Variants in CFAP57 observed in about 807,000 individuals in gnomAD.
The protein encoded by CFAP57 is cilia and flagella associated protein 57.
Under a neutral mutation model 146.8 loss-of-function variants are expected in CFAP57, and 116 were observed. That is an observed-to-expected ratio of 0.79 (90% CI 0.68 to 0.92). The LOEUF (loss-of-function observed/expected upper bound fraction) is 0.92. Ranked by LOEUF, CFAP57 falls within the 40% of genes least tolerant of loss-of-function variation. The probability of loss-of-function intolerance (pLI) is 0.00; values close to 1 mark genes in which losing one functional copy is unlikely to be tolerated. For missense variants in CFAP57, 1,377 were observed against 1,527.2 expected (o/e 0.90, Z 1.64); for synonymous variants, 518 against 552.8 (o/e 0.94, Z 0.88).
intron 18 of CFAP57, among the ~76,000 whole-genome samples, chr1:43,230,525 G>T (rs1174391234): frequency 6.6e-6 from 1 of 152,074 alleles, no homozygotes; most frequent in Admixed American, 6.6e-5. Context: ...AGCTCAGCCA[G>T]CCTCTTCTCC....
intron 22 of CFAP57, among the ~76,000 whole-genome samples, chr1:43,248,782 C>T (rs1339358884): frequency 1.3e-5 from 2 of 151,978 alleles, no homozygotes; most frequent in Non-Finnish European, 2.9e-5. Flanking sequence ...TTTAGTGAAA[C>T]CCTAAAAAGC....
intron 22 of CFAP57, among the ~76,000 whole-genome samples, chr1:43,252,368 A>G (rs971902354): frequency 2.6e-5 from 4 of 152,278 alleles, no homozygotes; most frequent in Admixed American, 1.3e-4. Flanking sequence ...CCCTACTCAG[A>G]CAAGTTTTAG....
At chr1:43,197,490 G>T (rs1055109091) in intron 6 of CFAP57, 63 bp from the exon 7 acceptor site, 1 of 1,611,076 alleles carries the variant, frequency 6.2e-7, no homozygotes, top group South Asian at 1.1e-5. Context: ...ACTAATTAGA[G>T]CTGACATGTA....
intron 22 of CFAP57, among the ~76,000 whole-genome samples, chr1:43,253,537 A>G (rs1646371978): frequency 6.6e-6 from 1 of 152,184 alleles, no homozygotes; most frequent in Non-Finnish European, 1.5e-5. Flanking sequence ...TCAAGGAACA[A>G]GGTATGAGTG....
chr1:43,219,327 A>C (rs1644956086), intron 12 of CFAP57, 55 bp from the exon 13 acceptor site: 1 of 1,508,738 alleles, frequency 6.6e-7, no homozygotes. Flanking sequence ...AGGTTTAAAT[A>C]TTCTGAGTCA....
At chr1:43,222,324 C>T (rs1029586427) in intron 15 of CFAP57, 29 bp downstream of exon 15, 8 of 1,391,034 alleles carry the variant, frequency 5.8e-6, no homozygotes, top group Non-Finnish European at 6.6e-6. Context: ...GCTGTGCCTC[C>T]CTTTCACAGA....
intron 2 of CFAP57, among the ~76,000 whole-genome samples, chr1:43,175,345 T>TAC (rs1428521812): frequency 2.0e-5 from 3 of 151,894 alleles, no homozygotes; most frequent in Non-Finnish European, 4.4e-5. Context: ...TACATATAGA[T>TAC]ACAGACACAC....
At position 43,232,617 on chromosome 1, in the gene CFAP57, G is replaced by A; in HGVS notation, c.3119G>A (p.Arg1040Lys). 1.9e-6 allele frequency: 3 copies of A among 1,538,608 alleles called. No homozygotes were observed. Among genetic ancestry groups the A allele is most frequent in the Non-Finnish European group, 2.6e-6 (3 of 1,137,986 alleles). ...RATDQEMRRE[R>K]QKERDLEALV... ...ACCGATCAGGAGATGCGCAGAGAGA[G>A]ACAGAAGGTGTGAGGGTTTCAGAGT... Residue 1040 changes from arginine (R) to lysine (K), a missense_variant, in exon 19 of 23, where the codon AGA (arginine) becomes AAA (lysine). By Grantham distance (26) the Arg-to-Lys change is conservative. Transcript: ENST00000372492.
At chr1:43,206,688 C>T (rs1644371160) in intron 9 of CFAP57, 32 bp from the exon 10 acceptor site, 1 of 1,611,918 alleles carries the variant, frequency 6.2e-7, no homozygotes, top group Non-Finnish European at 8.5e-7. Context: ...TGTGTGTACA[C>T]TCTTCACTGG....
chr1:43,242,010 GC>G (rs1645943899), intron 21 of CFAP57, among the ~76,000 whole-genome samples: 1 of 152,076 alleles, frequency 6.6e-6, no homozygotes. Context: ...GCACCACCTG[GC>G]CCCCAGCAAG....
At chr1:43,216,964 G>A (rs2124534728) in intron 12 of CFAP57, among the ~76,000 whole-genome samples, 1 of 152,348 alleles carries the variant, frequency 6.6e-6, no homozygotes, top group Middle Eastern at 3.4e-3. Context: ...AACGTGCAGT[G>A]GAATGAAGTG....
At position 43,229,069 on chromosome 1, in the gene CFAP57, C is replaced by T. The variant is rs78680583; in HGVS notation, c.3009+1943C>T. Among the ~76,000 whole-genome samples the T allele has an allele frequency of 1.1e-4, 16 of 149,108 alleles. 3 individuals are homozygous for T. In the East Asian group the frequency reaches 2.1e-3, roughly 19 times the overall value. ...TGGAATTTGGGGTGGAGGGCACCAACGTTCATCAGACCATAGCAGCCTGAG... is the reference window on the plus strand; with the variant it reads ...TGGAATTTGGGGTGGAGGGCACCAATGTTCATCAGACCATAGCAGCCTGAG... On this transcript the variant is annotated intron_variant, in intron 18 of 22. Coordinates refer to ENST00000372492, the MANE Select transcript of CFAP57 (RefSeq NM_001378189.1).
intron 2 of CFAP57, 119 bp from the exon 3 acceptor site, chr1:43,181,415 G>A (rs997644677): frequency 3.4e-5 from 41 of 1,212,940 alleles, no homozygotes; most frequent in East Asian, 2.5e-4. Flanking sequence ...TGCCAAGGCC[G>A]CCTTTCTTCT....
At chr1:43,175,283 A>G (rs1645125415) in intron 2 of CFAP57, among the ~76,000 whole-genome samples, 2 of 151,974 alleles carry the variant, frequency 1.3e-5, no homozygotes, top group African/African-American at 4.8e-5. Flanking sequence ...CACACCATAT[A>G]TACACACACC....
In CFAP57 at chr1:43,243,215, C is replaced by G. The variant is rs182121266; in HGVS notation, c.3406-12C>G. The G allele has an allele frequency of 5.4e-4, 834 of 1,549,466 alleles. 1 individual carries two copies. The highest frequency in any genetic ancestry group is 1.3e-3 in the East Asian group (53 of 40,864). ...CCATCCACCCTCCCTCTCTCTTCCCCCTTTTCTGCAGGAAAATGTCTCTCT... is the reference window on the plus strand; with the variant it reads ...CCATCCACCCTCCCTCTCTCTTCCCGCTTTTCTGCAGGAAAATGTCTCTCT... On this transcript the variant is annotated splice_polypyrimidine_tract_variant and intron_variant, in intron 21 of 22. Coordinates refer to ENST00000372492, the MANE Select transcript of CFAP57 (RefSeq NM_001378189.1).
intron 22 of CFAP57, 29 bp downstream of exon 22, chr1:43,243,388 G>T (rs778073245): frequency 1.1e-4 from 169 of 1,493,458 alleles, no homozygotes; most frequent in Non-Finnish European, 1.4e-4. Context: ...AGGGGAGATG[G>T]GCACTGGGAC....
chr1:43,227,147 C>G lies in CFAP57; in HGVS notation c.3009+21C>G. ...AGGAGGTAAGAAGCCATTTGCAACA[C>G]TCTGGCCTCTCAGACCCTCTGTCTC... On this transcript the variant is annotated intron_variant, in intron 18 of 22. Coordinates refer to ENST00000372492, the MANE Select transcript of CFAP57 (RefSeq NM_001378189.1). 17 of 1,509,096 alleles carry G rather than the reference C, an allele frequency of 1.1e-5. 1 individual carries two copies. The highest frequency in any genetic ancestry group is 1.5e-5 in the Non-Finnish European group (17 of 1,128,874). The allele number at this position is 1,509,096 out of a possible 1,614,324, so 93.5% of individuals were successfully genotyped here. A position where few individuals can be genotyped will look rare whatever the true frequency, so the allele number is the denominator to read the frequency against.
chr1:43,227,763 C>T (rs1475460361), intron 18 of CFAP57, among the ~76,000 whole-genome samples: 2 of 152,182 alleles, frequency 1.3e-5, no homozygotes, highest in African/African-American at 4.8e-5. Flanking sequence ...ATCAGCCTCC[C>T]CTGCTGGGCT....
intron 5 of CFAP57, 69 bp downstream of exon 5, chr1:43,185,425 T>C: frequency 6.9e-7 from 1 of 1,446,718 alleles, no homozygotes; most frequent in South Asian, 1.2e-5. Context: ...GCAGCAGTTC[T>C]CTGAGAAGGC....
Sources: gnomAD v4.1 joint callset for allele counts (sites outside exome capture counted in the v4.1 genomes callset) on GRCh38, gnomAD v4.1.1 for gene constraint, MANE v1.5 for transcripts, NCBI Gene and HGNC (gene_info 2026-07-23, HGNC 2026-07-21) for gene names.